TBC1D5: variants seen among roughly 807,000 people sequenced by gnomAD.
The protein encoded by TBC1D5 is TBC1 domain family member 5, also known as TBC1 domain family, member 5.
TBC1D5 carries 75 observed loss-of-function variants against 100.3 expected under a neutral mutation model. That is an observed-to-expected ratio of 0.75 (90% CI 0.62 to 0.91). The LOEUF (loss-of-function observed/expected upper bound fraction) is 0.91. Ranked by LOEUF, TBC1D5 falls within the 40% of genes least tolerant of loss-of-function variation. TBC1D5 has a pLI of 0.00. For synonymous variants in TBC1D5, 323 were observed against 325.6 expected (o/e 0.99, Z 0.09); for missense variants, 910 against 942.4 (o/e 0.97, Z 0.45).
At chr3:17,649,797 A>C (rs540507594) in intron 1 of TBC1D5, among the ~76,000 whole-genome samples, 1 of 152,352 alleles carries the variant, frequency 6.6e-6, no homozygotes, top group African/African-American at 2.4e-5. Context: ...TACTGGATAT[A>C]TACCCAAAGG....
chr3:17,460,495 T>C (rs2095182945), intron 3 of TBC1D5, among the ~76,000 whole-genome samples: 1 of 152,200 alleles, frequency 6.6e-6, no homozygotes, highest in Admixed American at 6.5e-5. Flanking sequence ...AGTTTTCCTC[T>C]AAGTATGTTA....
intron 2 of TBC1D5, among the ~76,000 whole-genome samples, chr3:17,517,206 C>T (rs542080899): frequency 3.3e-5 from 5 of 152,212 alleles, no homozygotes; most frequent in South Asian, 4.1e-4. Context: ...CCTCACCTTT[C>T]TTGCTGTAGG....
At position 17,697,745 on chromosome 3, in the gene TBC1D5, G is replaced by GA. The variant is rs1483243519; in HGVS notation, c.-101+41597dup. On this transcript the variant is annotated intron_variant, in intron 1 of 21. Coordinates refer to ENST00000253692, the Ensembl canonical transcript of TBC1D5. ...ACCAATGACTTGCTTCACAGAATTG[G>GA]AAAAAACTACTTTAAAGTTCATGTG... is the stretch of plus-strand genomic sequence containing the variant. 3.3e-5 allele frequency among the ~76,000 whole-genome samples: 5 copies of GA among 151,732 alleles called. No individual in the cohort carries two copies. The East Asian group carries it at 7.7e-4, about 23-fold the overall frequency.
intron 1 of TBC1D5, among the ~76,000 whole-genome samples, chr3:17,713,291 G>T (rs1158397274): frequency 6.6e-6 from 1 of 150,378 alleles, no homozygotes; most frequent in East Asian, 1.9e-4. Flanking sequence ...ATCCAGGCTG[G>T]AGTGCAGTGG....
chr3:17,226,683 A>G (rs2074937651), intron 17 of TBC1D5, among the ~76,000 whole-genome samples: 1 of 152,126 alleles, frequency 6.6e-6, no homozygotes, highest in African/African-American at 2.4e-5. Context: ...GCAACTGCAA[A>G]GCGGTCGGTT....
chr3:17,473,587 T>G (rs1352052008), intron 3 of TBC1D5, among the ~76,000 whole-genome samples: 1 of 152,210 alleles, frequency 6.6e-6, no homozygotes, highest in Non-Finnish European at 1.5e-5. Context: ...AGAATAAAAT[T>G]TGAAGGTGGC....
At chr3:17,638,855 A>G (rs2064223126) in intron 1 of TBC1D5, among the ~76,000 whole-genome samples, 1 of 152,170 alleles carries the variant, frequency 6.6e-6, no homozygotes, top group Non-Finnish European at 1.5e-5. Context: ...AATAAAAAAT[A>G]CAGACAATAA....
intron 2 of TBC1D5, among the ~76,000 whole-genome samples, chr3:17,559,266 A>T (rs1255210335): frequency 6.7e-6 from 1 of 150,256 alleles, no homozygotes; most frequent in African/African-American, 2.5e-5. Context: ...TCAGCCTCCC[A>T]AGTAGCTGGG....
intron 15 of TBC1D5, among the ~76,000 whole-genome samples, chr3:17,270,841 AG>A (rs1406082458): frequency 6.6e-6 from 1 of 152,180 alleles, no homozygotes; most frequent in African/African-American, 2.4e-5. Flanking sequence ...ATAGTTAGCC[AG>A]TTTTCCCAGC....
intron 18 of TBC1D5, among the ~76,000 whole-genome samples, chr3:17,189,138 G>A (rs2069539174): frequency 1.3e-5 from 2 of 152,122 alleles, no homozygotes; most frequent in South Asian, 4.1e-4. Context: ...AGAACATATG[G>A]AGAACACAGC....
At chr3:17,307,783 T>C (rs1355014930) in intron 14 of TBC1D5, among the ~76,000 whole-genome samples, 2 of 152,176 alleles carry the variant, frequency 1.3e-5, no homozygotes, top group Non-Finnish European at 2.9e-5. Flanking sequence ...TCTCTCAGGA[T>C]AAAATGACTC....
intron 9 of TBC1D5, among the ~76,000 whole-genome samples, chr3:17,380,513 A>G (rs1992737): frequency 0.49 from 74,794 of 151,882 alleles, 19,895 homozygotes; most frequent in African/African-American, 0.67. Context: ...ATTTGACAAA[A>G]CGTAATAGAA....
chr3:17,306,058 C>G (rs1224006626), intron 14 of TBC1D5, among the ~76,000 whole-genome samples: 1 of 152,164 alleles, frequency 6.6e-6, no homozygotes, highest in Non-Finnish European at 1.5e-5. Context: ...CTAATAATAC[C>G]AAACAGCTTA....
intron 17 of TBC1D5, among the ~76,000 whole-genome samples, chr3:17,216,480 T>A (rs1248609469): frequency 6.6e-6 from 1 of 152,092 alleles, no homozygotes; most frequent in Non-Finnish European, 1.5e-5. Context: ...CTTTCTGTAC[T>A]TCTATCAGGG....
At chr3:17,339,674 A>ATATG (rs1247246148) in intron 13 of TBC1D5, among the ~76,000 whole-genome samples, 1 of 152,252 alleles carries the variant, frequency 6.6e-6, no homozygotes, top group Non-Finnish European at 1.5e-5. Flanking sequence ...ATATGTGTAC[A>ATATG]TATGTACACA....
chr3:17,679,088 AAAAAC>A (rs771156240), intron 1 of TBC1D5, among the ~76,000 whole-genome samples: 2 of 151,192 alleles, frequency 1.3e-5, no homozygotes, highest in Non-Finnish European at 2.9e-5. Context: ...AGAAAAAAAA[AAAAAC>A]AATGAGTTGG....
At chr3:17,200,130 A>ATG (rs2071276981) in intron 18 of TBC1D5, among the ~76,000 whole-genome samples, 1 of 152,206 alleles carries the variant, frequency 6.6e-6, no homozygotes, top group African/African-American at 2.4e-5. Flanking sequence ...AGGATTTAAC[A>ATG]TAAGGCCAAT....
intron 2 of TBC1D5, among the ~76,000 whole-genome samples, chr3:17,545,679 C>T (rs2096407822): frequency 6.6e-6 from 1 of 151,072 alleles, no homozygotes; most frequent in East Asian, 1.9e-4. Context: ...TTTCAATGTT[C>T]ATTGACACAA....
At chr3:17,459,891 T>C (rs555889322) in intron 3 of TBC1D5, among the ~76,000 whole-genome samples, 2 of 152,292 alleles carry the variant, frequency 1.3e-5, no homozygotes, top group South Asian at 4.1e-4. Flanking sequence ...TTACAGCAAA[T>C]AGCAGATAAG....
Sources: allele counts gnomAD v4.1 joint callset (sites outside exome capture counted in the v4.1 genomes callset), GRCh38; gene constraint gnomAD v4.1.1; transcripts MANE v1.5; gene names NCBI Gene and HGNC (gene_info 2026-07-23, HGNC 2026-07-21).